Variants in SORCS1 observed in about 807,000 individuals in gnomAD.
The protein encoded by SORCS1 is sortilin related VPS10 domain containing receptor 1, also known as VPS10 domain-containing receptor SorCS1.
SORCS1 carries 60 observed loss-of-function variants against 146.1 expected under a neutral mutation model. That is an observed-to-expected ratio of 0.41 (90% CI 0.33 to 0.51). The LOEUF (loss-of-function observed/expected upper bound fraction) is 0.51, where lower values mean the gene tolerates loss of function less well. Ranked by LOEUF, SORCS1 falls within the 20% of genes least tolerant of loss-of-function variation. The pLI, the probability that SORCS1 is intolerant of heterozygous loss-of-function variation, is 0.21. For synonymous variants in SORCS1, 637 were observed against 584.0 expected (o/e 1.09, Z -1.31); for missense variants, 1,352 against 1,487.6 (o/e 0.91, Z 1.50).
intron 1 of SORCS1, among the ~76,000 whole-genome samples, chr10:106,987,014 T>C (rs11193144): frequency 1.3e-5 from 2 of 152,242 alleles, no homozygotes; most frequent in African/African-American, 2.4e-5. Flanking sequence ...TTTCTCTGTA[T>C]GACTAGTAAT....
intron 2 of SORCS1, among the ~76,000 whole-genome samples, chr10:106,915,248 T>C (rs1291750521): frequency 2.0e-5 from 3 of 152,198 alleles, no homozygotes; most frequent in Admixed American, 2.0e-4. Context: ...GCTAGGCACC[T>C]AGCCCTCATC....
chr10:106,968,138 A>G lies in SORCS1; in HGVS notation c.559-11558T>C, dbSNP rs552553363. On this transcript the variant is annotated intron_variant, in intron 1 of 25. Coordinates refer to ENST00000263054, the MANE Select transcript of SORCS1 (RefSeq NM_052918.5). ...GGCAGGAGAATGGCGTGAACCCAGG[A>G]GGCGGAGCTTGCAGTGAGCCGAGAT... is the stretch of plus-strand genomic sequence containing the variant. 2.6e-5 allele frequency among the ~76,000 whole-genome samples: 4 copies of G among 151,988 alleles called. No homozygotes were observed. In the South Asian group the frequency reaches 8.3e-4, roughly 32 times the overall value.
At chr10:106,944,839 G>GAGCTAAA (rs1435547719) in intron 2 of SORCS1, among the ~76,000 whole-genome samples, 1 of 13,110 alleles carries the variant, frequency 7.6e-5, no homozygotes, top group African/African-American at 4.3e-4. Flanking sequence ...AAGAAACAAA[G>GAGCTAAA]AGAGCTATGG....
intron 1 of SORCS1, among the ~76,000 whole-genome samples, chr10:107,147,202 A>T (rs186485699): frequency 6.6e-6 from 1 of 152,284 alleles, no homozygotes; most frequent in Admixed American, 6.5e-5. Context: ...CATTATCACA[A>T]ATGCAATTTT....
chr10:107,045,891 C>T (rs562678254), intron 1 of SORCS1, among the ~76,000 whole-genome samples: 1 of 151,764 alleles, frequency 6.6e-6, no homozygotes, highest in Non-Finnish European at 1.5e-5. Flanking sequence ...TCAAGCAATC[C>T]TTCACACCTC....
chr10:107,177,403 A>G, the SORCS1 span, among the ~76,000 whole-genome samples: 1 of 152,218 alleles, frequency 6.6e-6, no homozygotes. Context: ...GGATATTGAT[A>G]TTATGACATC....
intron 4 of SORCS1, among the ~76,000 whole-genome samples, chr10:106,766,165 T>C (rs1859555708): frequency 6.6e-6 from 1 of 152,102 alleles, no homozygotes; most frequent in African/African-American, 2.4e-5. Flanking sequence ...CTTTTCAAGG[T>C]TGCCTGCCCA....
intron 1 of SORCS1, among the ~76,000 whole-genome samples, chr10:107,033,185 C>A (rs1053641954): frequency 1.3e-5 from 2 of 152,064 alleles, no homozygotes; most frequent in African/African-American, 2.4e-5. Flanking sequence ...AGAGAATGTG[C>A]GCAGAAGGGA....
At chr10:106,608,780 G>A (rs1846775967) in intron 22 of SORCS1, among the ~76,000 whole-genome samples, 1 of 152,116 alleles carries the variant, frequency 6.6e-6, no homozygotes, top group Non-Finnish European at 1.5e-5. Flanking sequence ...GGGAGCAAAG[G>A]GAAGGAAACA....
chr10:106,627,343 T>C (rs1044172843), intron 19 of SORCS1, among the ~76,000 whole-genome samples: 2 of 152,182 alleles, frequency 1.3e-5, no homozygotes, highest in Non-Finnish European at 2.9e-5. Context: ...AACAAATTTG[T>C]GGTATATGGA....
At chr10:107,024,233 G>A (rs12764638) in intron 1 of SORCS1, among the ~76,000 whole-genome samples, 14,429 of 151,322 alleles carry the variant, frequency 0.095, 1,557 homozygotes, top group African/African-American at 0.27. Context: ...TCTGAAGGGT[G>A]TGCAAGAAGC....
At chr10:106,824,030 G>A (rs533057973) in intron 3 of SORCS1, among the ~76,000 whole-genome samples, 6 of 152,286 alleles carry the variant, frequency 3.9e-5, no homozygotes, top group East Asian at 1.9e-4. Flanking sequence ...TGGGCCTGGC[G>A]TGGTGGCTCA....
At chr10:106,625,201 T>TGTGC (rs1848021143) in intron 19 of SORCS1, among the ~76,000 whole-genome samples, 1 of 13,154 alleles carries the variant, frequency 7.6e-5, no homozygotes, top group East Asian at 6.7e-3. Context: ...TGTGTGATTC[T>TGTGC]GTGTGTGTGT....
intron 1 of SORCS1, among the ~76,000 whole-genome samples, chr10:107,032,567 C>A (rs1958709496): frequency 6.6e-6 from 1 of 152,138 alleles, no homozygotes; most frequent in Non-Finnish European, 1.5e-5. Flanking sequence ...TGATATCAAC[C>A]AGCAATGAGT....
At chr10:106,841,105 CG>C in intron 2 of SORCS1, among the ~76,000 whole-genome samples, 1 of 151,898 alleles carries the variant, frequency 6.6e-6, no homozygotes. Flanking sequence ...CCGCCTGCCT[CG>C]GCCTCCAAAA....
At chr10:107,084,894 C>T (rs953332607) in intron 1 of SORCS1, among the ~76,000 whole-genome samples, 1 of 152,132 alleles carries the variant, frequency 6.6e-6, no homozygotes, top group African/African-American at 2.4e-5. Context: ...TAGAATCAAT[C>T]GTTCATGAGA....
chr10:106,621,391 A>C (rs1293552329), intron 19 of SORCS1, among the ~76,000 whole-genome samples: 1 of 152,006 alleles, frequency 6.6e-6, no homozygotes, highest in East Asian at 2.0e-4. Flanking sequence ...CCCATGAGGT[A>C]GAGGAGAGAG....
In SORCS1 at chr10:106,709,316, C is replaced by T. The variant is rs1342524921; in HGVS notation, c.1050G>A (p.Met350Ile). 3 of 1,613,460 alleles carry T rather than the reference C, an allele frequency of 1.9e-6. No individual in the cohort carries two copies. The highest frequency in any genetic ancestry group is 2.5e-6 in the Non-Finnish European group (3 of 1,179,732). The part of the protein sequence containing the change: ...DGHSHYLTCR[M>I]QNCTEANRNQ... Reference sequence around the variant, plus strand: ...TCCTGTTGGCCTCTGTACAGTTCTGCATTCGGCAAGTTAGATAATGTGAAT... The same window carrying T: ...TCCTGTTGGCCTCTGTACAGTTCTGTATTCGGCAAGTTAGATAATGTGAAT... The change falls in exon 7 of 26, where the codon ATG (methionine) becomes ATA (isoleucine). Residue 350 changes from methionine (M) to isoleucine (I), a missense_variant. By Grantham distance (10) the Met-to-Ile change is conservative (BLOSUM62 1). Around this residue, in one of 3 missense-constraint regions of SORCS1, gnomAD observed 490 missense variants for 489.1 expected, o/e 1.00. Transcript: ENST00000263054.
At chr10:107,018,180 CT>C (rs924991892) in intron 1 of SORCS1, among the ~76,000 whole-genome samples, 13 of 149,416 alleles carry the variant, frequency 8.7e-5, no homozygotes, top group South Asian at 4.2e-4. Flanking sequence ...CAACTCTCCA[CT>C]TTTTTTTTTC....
Sources: gnomAD v4.1 joint callset for allele counts (sites outside exome capture counted in the v4.1 genomes callset) on GRCh38, gnomAD v4.1.1 for gene constraint, gnomAD v4.1.1 regional missense constraint, MANE v1.5 for transcripts, NCBI Gene and HGNC (gene_info 2026-07-23, HGNC 2026-07-21) for gene names.